The following ZBED5 variants were observed in gnomAD, a reference collection of about 807,000 sequenced individuals.
The protein encoded by ZBED5 is zinc finger BED-type containing 5, also known as zinc finger BED domain-containing protein 5.
A neutral mutation model predicts 49.2 loss-of-function variants in ZBED5; 29 were observed. The observed-to-expected ratio is 0.59, with a 90% CI of 0.44 to 0.80. The LOEUF (loss-of-function observed/expected upper bound fraction) is 0.80, where lower values mean the gene tolerates loss of function less well. ZBED5 is among the 30% of genes least tolerant of loss of function. ZBED5 has a pLI of 0.00. For synonymous variants in ZBED5, 281 were observed against 292.5 expected, an observed-to-expected ratio of 0.96 and a Z score of 0.40; for missense variants, 775 against 812.9, an observed-to-expected ratio of 0.95 and a Z score of 0.57.
At position 10,854,935 on chromosome 11, in the gene ZBED5, G is replaced by A. The variant is rs906812665; in HGVS notation, c.11C>T (p.Pro4Leu). 1.3e-6 allele frequency: 2 copies of A among 1,548,570 alleles called. No individual in the cohort carries two copies. Among genetic ancestry groups the A allele is most frequent in the African/African-American group, 1.4e-5 (1 of 72,942 alleles). ...ATTATAAGACAGGATACAAAGAAGAGGAGCAATCATCAAAGAGATGATATA... is the reference window on the plus strand; with the variant it reads ...ATTATAAGACAGGATACAAAGAAGAAGAGCAATCATCAAAGAGATGATATA... The part of the protein sequence containing the change: MIA[P>L]LLCILSYNFN... The change falls in exon 3 of 3, where the codon CCT (proline) becomes CTT (leucine). Residue 4 changes from proline to leucine, a missense_variant. Coordinates refer to ENST00000413761, the MANE Select transcript of ZBED5 (RefSeq NM_001143667.2). This position sits in a 1 kb window ranked among gnomAD's most constrained non-coding sequence, Gnocchi z 5.0.
Position 10,856,242 on chromosome 11 carries a change from G to A in ZBED5, c.-240C>T, listed in dbSNP as rs746811121. ...TAAAATTAAGGGATGGGGTGGGAAGGGGAGTAACCAAAAGCCTAGAATGAG... is the reference window on the plus strand; with the variant it reads ...TAAAATTAAGGGATGGGGTGGGAAGAGGAGTAACCAAAAGCCTAGAATGAG... On this transcript the variant is annotated 5_prime_UTR_variant, in exon 2 of 3. Coordinates refer to ENST00000413761, the MANE Select transcript of ZBED5 (RefSeq NM_001143667.2). 1 of 152,010 alleles carries A rather than the reference G, an allele frequency of 6.6e-6. No individual in the cohort carries two copies. Among genetic ancestry groups the A allele is most frequent in the Non-Finnish European group, 1.5e-5 (1 of 68,020 alleles). 9.4% of individuals were successfully genotyped at this position (152,010 alleles called of 1,614,324 possible). A position where few individuals can be genotyped will look rare whatever the true frequency, so the allele number is the denominator to read the frequency against.
In ZBED5 at chr11:10,853,109, G is replaced by A; in HGVS notation, c.1837C>T (p.Leu613=). The A allele has an allele frequency of 1.3e-6, 2 of 1,551,632 alleles. No individual in the cohort carries two copies. Among genetic ancestry groups the A allele is most frequent in the Non-Finnish European group, 8.7e-7 (1 of 1,146,958 alleles). Reference sequence around the variant, plus strand: ...ATTAGGCTACTCCAAAAATCATTTAGTGAAAGTTCACTAAAATTTTGCTTC... The same window carrying A: ...ATTAGGCTACTCCAAAAATCATTTAATGAAAGTTCACTAAAATTTTGCTTC... ...QVKQNFSELS[L]NDFWSSLIQE... is the part of the protein sequence containing the mutation. The change falls in exon 3 of 3, where the codon CTA becomes TTA. Residue 613 remains leucine (L), a synonymous_variant. Transcript: ENST00000413761. The surrounding 1 kb of genome is among the most constrained non-coding windows in gnomAD (Gnocchi z 5.4).
Position 10,854,133 on chromosome 11 carries a change from A to T in ZBED5, c.813T>A (p.Asp271Glu). 1.3e-6 allele frequency: 2 copies of T among 1,550,892 alleles called. No individual in the cohort carries two copies. The highest frequency in any genetic ancestry group is 1.7e-6 in the Non-Finnish European group (2 of 1,146,496). The change falls in exon 3 of 3, where the codon GAT becomes GAA. Residue 271 changes from aspartate (D) to glutamate (E), a missense_variant. Transcript: ENST00000413761. This position sits in a 1 kb window ranked among gnomAD's most constrained non-coding sequence, Gnocchi z 5.0. ...EELVCRLKIC[D>E]GFSLQLDESA... Reference sequence around the variant, plus strand: ...ATTCATCTAGTTGCAGTGAAAACCCATCGCAAATTTTCAGTCTACAAACAA... The same window carrying T: ...ATTCATCTAGTTGCAGTGAAAACCCTTCGCAAATTTTCAGTCTACAAACAA...
In ZBED5 at chr11:10,853,841, T is replaced by C. The variant is rs772911718; in HGVS notation, c.1105A>G (p.Ser369Gly). ...TGTCTGTATAATAGGCAGTGACTAC[T>C]GGTGCTTTCGGGAGCCACATATTTT... The part of the protein sequence containing the change: ...LIKYVAPEST[S>G]SHCLLYRHAL... Residue 369 changes from serine (S) to glycine (G), a missense_variant, in exon 3 of 3, where the codon AGT becomes GGT. Coordinates refer to ENST00000413761, the MANE Select transcript of ZBED5 (RefSeq NM_001143667.2). The surrounding 1 kb of genome is among the most constrained non-coding windows in gnomAD (Gnocchi z 5.4). 70 of 1,551,564 alleles carry C rather than the reference T, an allele frequency of 4.5e-5. 1 individual carries two copies. The highest frequency in any genetic ancestry group is 3.8e-4 in the South Asian group (32 of 84,064).
chr11:10,856,906 T>C (rs1409234549), intron 1 of ZBED5, among the ~76,000 whole-genome samples: 3 of 152,198 alleles, frequency 2.0e-5, no homozygotes, highest in African/African-American at 4.8e-5. Flanking sequence ...AGCCATTACT[T>C]GGGTGTTCCT....
rs926197180 is a variant in ZBED5, at chr11:10,858,030, C to G, written c.-424G>C. 9.5e-6 allele frequency: 3 copies of G among 314,352 alleles called. No homozygotes were observed. Among genetic ancestry groups the G allele is most frequent in the African/African-American group, 2.1e-5 (1 of 46,698 alleles). The allele number at this position is 314,352 out of a possible 1,614,324, so 19.5% of individuals were successfully genotyped here. A position where few individuals can be genotyped will look rare whatever the true frequency, so the allele number is the denominator to read the frequency against. ...AGGCCATCTCCATAGAGATCCGATT[C>G]GCGGCTGGCGCGGTCGCCGGTCTGA... On this transcript the variant is annotated 5_prime_UTR_variant, in exon 1 of 3. Transcript: ENST00000413761.
rs1450739582 is a variant in ZBED5 at position 10,855,747 on chromosome 11, A to C, written c.-142+397T>G. On this transcript the variant is annotated intron_variant, in intron 2 of 2. Transcript: ENST00000413761. The surrounding 1 kb of genome is among the most constrained non-coding windows in gnomAD (Gnocchi z 4.1). ...CAATGAAGAATAAATTGTATATCAA[A>C]AGTTAGGTACTGTTTCTCTGGACTT... 1 of 152,200 alleles carries C rather than the reference A, an allele frequency of 6.6e-6. No individual in the cohort carries two copies. Among genetic ancestry groups the C allele is most frequent in the African/African-American group, 2.4e-5 (1 of 41,458 alleles). 9.4% of individuals were successfully genotyped at this position (152,200 alleles called of 1,614,324 possible). A position where few individuals can be genotyped will look rare whatever the true frequency, so the allele number is the denominator to read the frequency against.
rs1848191449 is a variant in ZBED5 at position 10,857,045 on chromosome 11, C to T, written c.-255-788G>A. On this transcript the variant is annotated intron_variant, in intron 1 of 2. Coordinates refer to ENST00000413761, the MANE Select transcript of ZBED5 (RefSeq NM_001143667.2). This position sits in a 1 kb window ranked among gnomAD's most constrained non-coding sequence, Gnocchi z 6.3. ...TCTCATACTAGCAACAGCATAAAGCCCTGCTTCTTATTGGGAGCAAAAAAG... is the reference window on the plus strand; with the variant it reads ...TCTCATACTAGCAACAGCATAAAGCTCTGCTTCTTATTGGGAGCAAAAAAG... Among the ~76,000 whole-genome samples, 2 of 152,142 alleles carry T rather than the reference C, an allele frequency of 1.3e-5. No individual in the cohort carries two copies. Among genetic ancestry groups the T allele is most frequent in the Admixed American group, 6.5e-5 (1 of 15,284 alleles).
chr11:10,858,014 C>T lies in ZBED5; in HGVS notation c.-408G>A. On this transcript the variant is annotated 5_prime_UTR_variant, in exon 1 of 3. Coordinates refer to ENST00000413761, the MANE Select transcript of ZBED5 (RefSeq NM_001143667.2). ...CTCAGGGATATCGCCTAGGCCATCT[C>T]CATAGAGATCCGATTCGCGGCTGGC... The T allele has an allele frequency of 3.5e-6, 1 of 288,824 alleles. No individual in the cohort carries two copies. The highest frequency in any genetic ancestry group is 6.4e-6 in the Non-Finnish European group (1 of 156,528). 17.9% of individuals were successfully genotyped at this position (288,824 alleles called of 1,614,324 possible). A position where few individuals can be genotyped will look rare whatever the true frequency, so the allele number is the denominator to read the frequency against.
In ZBED5 at chr11:10,857,090, C is replaced by G. The variant is rs1025450089; in HGVS notation, c.-256+772G>C. ...AAAAAGCAGATTCTCCTTCCACAGT[C>G]TCCTTTTGGATTTTGCAACGGAGAA... On this transcript the variant is annotated intron_variant, in intron 1 of 2. Coordinates refer to ENST00000413761, the MANE Select transcript of ZBED5 (RefSeq NM_001143667.2). This position sits in a 1 kb window ranked among gnomAD's most constrained non-coding sequence, Gnocchi z 6.3. 1 of 152,234 alleles carries G rather than the reference C, an allele frequency of 6.6e-6. No individual in the cohort carries two copies. Among genetic ancestry groups the G allele is most frequent in the African/African-American group, 2.4e-5 (1 of 41,454 alleles). 9.4% of individuals were successfully genotyped at this position (152,234 alleles called of 1,614,324 possible).
chr11:10,857,975 G>T lies in ZBED5; in HGVS notation c.-369C>A. 4.4e-6 allele frequency: 1 copy of T among 225,566 alleles called. No individual in the cohort carries two copies. The highest frequency in any genetic ancestry group is 8.6e-6 in the Non-Finnish European group (1 of 116,084). The allele number at this position is 225,566 out of a possible 1,614,324, so 14.0% of individuals were successfully genotyped here. On this transcript the variant is annotated 5_prime_UTR_variant, in exon 1 of 3. Transcript: ENST00000413761. This position sits in a 1 kb window ranked among gnomAD's most constrained non-coding sequence, Gnocchi z 6.3. ...AGAGGAAAGAAGGATTCGGGGACAG[G>T]GTGATGCTCTCAGCTCAGGGATATC...
rs771841499 is a variant in ZBED5 at position 10,854,168 on chromosome 11, C to T, written c.778G>A (p.Glu260Lys). Residue 260 changes from glutamate to lysine, a missense_variant, in exon 3 of 3, where the codon GAA becomes AAA. By Grantham distance (56) the Glu-to-Lys change is moderately conservative. Coordinates refer to ENST00000413761, the MANE Select transcript of ZBED5 (RefSeq NM_001143667.2). This position sits in a 1 kb window ranked among gnomAD's most constrained non-coding sequence, Gnocchi z 5.0. ...RRIKDLAADIEEELVCRLKIC... is the reference protein window; with the variant it reads ...RRIKDLAADIKEELVCRLKIC... ...TTCAGTCTACAAACAAGCTCTTCTT[C>T]AATGTCAGCAGCTAGATCCTTAATT... The T allele has an allele frequency of 6.4e-7, 1 of 1,551,046 alleles. No individual in the cohort carries two copies. Among genetic ancestry groups the T allele is most frequent in the Non-Finnish European group, 8.7e-7 (1 of 1,146,594 alleles).
chr11:10,853,556 A>G lies in ZBED5; in HGVS notation c.1390T>C (p.Cys464Arg), dbSNP rs1265262434. ...FMDSAFRLSD[C>R]LTNSSWLLRL... ...AGCAGCCAAGATGAATTTGTTAAAC[A>G]ATCAGATAGTCGAAAAGCAGAATCC... The change falls in exon 3 of 3, where the codon TGT becomes CGT. Residue 464 changes from cysteine to arginine, a missense_variant. Physicochemically the swap from Cys to Arg is radical, Grantham distance 180. Transcript: ENST00000413761. The surrounding 1 kb of genome is among the most constrained non-coding windows in gnomAD (Gnocchi z 5.4). The G allele has an allele frequency of 6.5e-7, 1 of 1,549,924 alleles. No homozygotes were observed. Among genetic ancestry groups the G allele is most frequent in the African/African-American group, 1.4e-5 (1 of 72,874 alleles).
In ZBED5 at chr11:10,854,332, G is replaced by A. The variant is rs764555689; in HGVS notation, c.614C>T (p.Ala205Val). 1.5e-5 allele frequency: 23 copies of A among 1,550,424 alleles called. No homozygotes were observed. Among genetic ancestry groups the A allele is most frequent in the Middle Eastern group, 1.7e-4 (1 of 6,014 alleles). The change falls in exon 3 of 3, where the codon GCG (alanine) becomes GTG (valine). Residue 205 changes from alanine (A) to valine (V), a missense_variant. Transcript: ENST00000413761. The surrounding 1 kb of genome is among the most constrained non-coding windows in gnomAD (Gnocchi z 5.0). ...EASYNVSYHI[A>V]LSGEAHTIGE... Reference sequence around the variant, plus strand: ...AATAGTATGAGCCTCTCCACTCAGCGCTATATGGTAACTTACATTGTATGA... The same window carrying A: ...AATAGTATGAGCCTCTCCACTCAGCACTATATGGTAACTTACATTGTATGA...
At position 10,854,922 on chromosome 11, in the gene ZBED5, G is replaced by A; in HGVS notation, c.24C>T (p.Ile8=). The change falls in exon 3 of 3, where the codon ATC becomes ATT. Residue 8 remains isoleucine, a synonymous_variant. Coordinates refer to ENST00000413761, the MANE Select transcript of ZBED5 (RefSeq NM_001143667.2). The surrounding 1 kb of genome is among the most constrained non-coding windows in gnomAD (Gnocchi z 5.0). ...CAAATGTGTTGAAATTATAAGACAGGATACAAAGAAGAGGAGCAATCATCA... is the reference window on the plus strand; with the variant it reads ...CAAATGTGTTGAAATTATAAGACAGAATACAAAGAAGAGGAGCAATCATCA... MIAPLLC[I]LSYNFNTFAI... The A allele has an allele frequency of 1.3e-6, 2 of 1,549,982 alleles. No homozygotes were observed. Among genetic ancestry groups the A allele is most frequent in the Non-Finnish European group, 1.7e-6 (2 of 1,145,720 alleles).
rs2232915 is a variant in ZBED5 at position 10,858,012 on chromosome 11, C to A, written c.-406G>T. Reference sequence around the variant, plus strand: ...AGCTCAGGGATATCGCCTAGGCCATCTCCATAGAGATCCGATTCGCGGCTG... The same window carrying A: ...AGCTCAGGGATATCGCCTAGGCCATATCCATAGAGATCCGATTCGCGGCTG... On this transcript the variant is annotated 5_prime_UTR_variant, in exon 1 of 3. Transcript: ENST00000413761. The A allele has an allele frequency of 8.5e-4, 242 of 285,632 alleles. No homozygotes were observed. Among genetic ancestry groups the A allele is most frequent in the Non-Finnish European group, 1.3e-3 (194 of 154,422 alleles). 17.7% of individuals were successfully genotyped at this position (285,632 alleles called of 1,614,324 possible).
In ZBED5 at chr11:10,854,432, G is replaced by C; in HGVS notation, c.514C>G (p.Leu172Val). 1 of 1,551,358 alleles carries C rather than the reference G, an allele frequency of 6.4e-7. No homozygotes were observed. The highest frequency in any genetic ancestry group is 8.7e-7 in the Non-Finnish European group (1 of 1,146,884). The change falls in exon 3 of 3, where the codon CTC (leucine) becomes GTC (valine). Residue 172 changes from leucine (L) to valine (V), a missense_variant. Transcript: ENST00000413761. This position sits in a 1 kb window ranked among gnomAD's most constrained non-coding sequence, Gnocchi z 5.0. ...DKDISFFKQH[L>V]DSPENNKPPT... is the part of the protein sequence containing the mutation. Reference sequence around the variant, plus strand: ...GGTTTATTATTTTCAGGTGAATCGAGATGTTGCTTGAAAAAGCTTATGTCT... The same window carrying C: ...GGTTTATTATTTTCAGGTGAATCGACATGTTGCTTGAAAAAGCTTATGTCT...
At position 10,855,077 on chromosome 11, in the gene ZBED5, T is replaced by C. The variant is rs1265604553; in HGVS notation, c.-132A>G. On this transcript the variant is annotated 5_prime_UTR_variant, in exon 3 of 3. Coordinates refer to ENST00000413761, the MANE Select transcript of ZBED5 (RefSeq NM_001143667.2). This position sits in a 1 kb window ranked among gnomAD's most constrained non-coding sequence, Gnocchi z 4.1. Reference sequence around the variant, plus strand: ...GACTTCCTGGTGCTCTCAGGTATGGTACACCTTTTCTTAAAGGTAGATTAT... The same window carrying C: ...GACTTCCTGGTGCTCTCAGGTATGGCACACCTTTTCTTAAAGGTAGATTAT... 3.6e-6 allele frequency: 4 copies of C among 1,122,978 alleles called. No homozygotes were observed. The highest frequency in any genetic ancestry group is 4.9e-6 in the Non-Finnish European group (4 of 813,814). 69.6% of individuals were successfully genotyped at this position (1,122,978 alleles called of 1,614,324 possible).
At position 10,852,799 on chromosome 11, in the gene ZBED5, A is replaced by C; in HGVS notation, c.*65T>G. On this transcript the variant is annotated 3_prime_UTR_variant, in exon 3 of 3. Coordinates refer to ENST00000413761, the MANE Select transcript of ZBED5 (RefSeq NM_001143667.2). ...TTAAATCCCCCAAATACCAGAGATG[A>C]AGTAAATCATCTTTTATTTTCATCT... 1 of 1,429,994 alleles carries C rather than the reference A, an allele frequency of 7.0e-7. No homozygotes were observed. Among genetic ancestry groups the C allele is most frequent in the Non-Finnish European group, 9.2e-7 (1 of 1,087,684 alleles). The allele number at this position is 1,429,994 out of a possible 1,614,324, so 88.6% of individuals were successfully genotyped here.
Sources: allele counts gnomAD v4.1 joint callset (sites outside exome capture counted in the v4.1 genomes callset), GRCh38; gene constraint gnomAD v4.1.1; non-coding constraint Gnocchi (gnomAD v3.1); transcripts MANE v1.5; gene names NCBI Gene and HGNC (gene_info 2026-07-23, HGNC 2026-07-21).